MEMO1: variants seen among roughly 807,000 people sequenced by gnomAD.
The protein encoded by MEMO1 is mediator of cell motility 1.
Under a neutral mutation model 45.2 loss-of-function variants are expected in MEMO1, and 6 were observed. That is an observed-to-expected ratio of 0.13 (90% CI 0.07 to 0.26). MEMO1 has a LOEUF of 0.26. Ranked by LOEUF, MEMO1 falls within the 10% of genes least tolerant of loss-of-function variation. The probability of loss-of-function intolerance (pLI) is 1.00; values close to 1 mark genes in which losing one functional copy is unlikely to be tolerated. For synonymous variants in MEMO1, 78 were observed against 124.3 expected (o/e 0.63, Z 2.48); for missense variants, 184 against 370.5 (o/e 0.50, Z 4.13).
intron 8 of MEMO1, among the ~76,000 whole-genome samples, chr2:31,880,334 T>TA (rs1027049748): frequency 1.3e-5 from 2 of 152,162 alleles, no homozygotes; most frequent in African/African-American, 4.8e-5. Flanking sequence ...GGTAATACAT[T>TA]AAAATCCAAA....
chr2:31,910,878 G>GA (rs1289192024), intron 6 of MEMO1, among the ~76,000 whole-genome samples: 1 of 151,680 alleles, frequency 6.6e-6, no homozygotes, highest in Non-Finnish European at 1.5e-5. Context: ...AAAAAATAAA[G>GA]AAAGTTGTAA....
At chr2:32,006,325 A>G (rs964702912) in intron 2 of MEMO1, among the ~76,000 whole-genome samples, 3 of 152,204 alleles carry the variant, frequency 2.0e-5, no homozygotes, top group Non-Finnish European at 4.4e-5. Context: ...AGAAGATGAT[A>G]AGGGCCTAAA....
intron 1 of MEMO1, chr2:32,010,573 G>A: frequency 5.1e-6 from 1 of 196,032 alleles, no homozygotes; most frequent in Non-Finnish European, 1.1e-5. Flanking sequence ...CTGCCCAGCC[G>A]GGGCTGGTTC....
At chr2:31,943,937 C>T (rs1447491954) in intron 2 of MEMO1, among the ~76,000 whole-genome samples, 1 of 152,098 alleles carries the variant, frequency 6.6e-6, no homozygotes, top group African/African-American at 2.4e-5. Context: ...CTAATTTTTC[C>T]AGTTCACTAC....
intron 6 of MEMO1, among the ~76,000 whole-genome samples, chr2:31,896,717 A>T (rs1677872406): frequency 6.6e-6 from 1 of 152,232 alleles, no homozygotes; most frequent in Non-Finnish European, 1.5e-5. Context: ...TAAGAAAATG[A>T]AAACTCAAGT....
At chr2:31,938,499 T>C (rs1665199341) in intron 3 of MEMO1, among the ~76,000 whole-genome samples, 1 of 151,366 alleles carries the variant, frequency 6.6e-6, no homozygotes, top group Non-Finnish European at 1.5e-5. Context: ...GCAAAAAAAA[T>C]TAGCTGGGCA....
At chr2:31,912,249 T>C (rs1680679636) in intron 6 of MEMO1, among the ~76,000 whole-genome samples, 4 of 152,082 alleles carry the variant, frequency 2.6e-5, no homozygotes, top group Admixed American at 1.3e-4. Flanking sequence ...GGCAGGAGAA[T>C]CGCTTGAACC....
intron 6 of MEMO1, among the ~76,000 whole-genome samples, chr2:31,916,237 T>C (rs569726564): frequency 6.6e-6 from 1 of 152,280 alleles, no homozygotes; most frequent in Admixed American, 6.5e-5. Context: ...TTGGGTTTGT[T>C]TGTTTGTTTG....
chr2:31,919,356 T>C (rs1221191187), intron 5 of MEMO1, among the ~76,000 whole-genome samples: 3 of 152,036 alleles, frequency 2.0e-5, no homozygotes, highest in African/African-American at 7.2e-5. Flanking sequence ...TTTTGCCACA[T>C]TGCTCAGACT....
At chr2:32,001,626 C>A (rs985770102) in intron 2 of MEMO1, among the ~76,000 whole-genome samples, 2 of 151,886 alleles carry the variant, frequency 1.3e-5, no homozygotes, top group Non-Finnish European at 2.9e-5. Flanking sequence ...TTACCAGTTA[C>A]GACTCATACA....
intron 2 of MEMO1, among the ~76,000 whole-genome samples, chr2:32,006,619 C>T (rs1674108290): frequency 6.7e-6 from 1 of 149,992 alleles, no homozygotes; most frequent in South Asian, 2.1e-4. Context: ...GCTGCAGCTA[C>T]ATTTGCAGTA....
rs1441610365 is a variant in MEMO1, at chr2:31,971,160, GAT to G, written c.62-27779_62-27778del. Among the ~76,000 whole-genome samples the G allele has an allele frequency of 3.9e-5, 6 of 152,252 alleles. No homozygotes were observed. In the East Asian group the frequency reaches 1.2e-3, roughly 29 times the overall value. ...CATATGGATCTCTTACCATCTGCAG[GAT>G]ATGTTTGCTGTTAAATTATAAAGAT... On this transcript the variant is annotated intron_variant, in intron 2 of 9. Transcript: ENST00000404530.
chr2:31,928,600 A>G (rs1489031396), intron 4 of MEMO1, among the ~76,000 whole-genome samples: 4 of 151,750 alleles, frequency 2.6e-5, no homozygotes, highest in Non-Finnish European at 4.4e-5. Context: ...GACCCTGACC[A>G]GTCCTATTAT....
At chr2:31,971,470 T>G (rs1244934791) in intron 2 of MEMO1, among the ~76,000 whole-genome samples, 1 of 151,964 alleles carries the variant, frequency 6.6e-6, no homozygotes, top group Non-Finnish European at 1.5e-5. Context: ...GCTCAAGAGA[T>G]CCTCCTATTG....
At chr2:31,935,759 A>G (rs976580268) in intron 3 of MEMO1, among the ~76,000 whole-genome samples, 37 of 152,150 alleles carry the variant, frequency 2.4e-4, no homozygotes, top group African/African-American at 8.7e-4. Context: ...TCTCTCGCTA[A>G]CAGACCCTGC....
At chr2:31,893,880 T>C (rs984307255) in intron 6 of MEMO1, among the ~76,000 whole-genome samples, 2 of 152,176 alleles carry the variant, frequency 1.3e-5, no homozygotes, top group Admixed American at 1.3e-4. Flanking sequence ...TAAAATTCTA[T>C]CCTCTGTAGA....
chr2:31,925,499 A>AAAAAAAAAAAAAAC (rs1558507966), intron 4 of MEMO1, among the ~76,000 whole-genome samples: 1 of 149,376 alleles, frequency 6.7e-6, no homozygotes, highest in Non-Finnish European at 1.5e-5. Flanking sequence ...AAAAAAAAAA[A>AAAAAAAAAAAAAAC]TCTGTTCCCG....
chr2:31,932,187 T>A (rs1455912177), intron 3 of MEMO1, 52 bp from the exon 4 acceptor site: 1 of 1,514,880 alleles, frequency 6.6e-7, no homozygotes, highest in African/African-American at 1.4e-5. Context: ...AATCAAGATA[T>A]TCTAGAAAGA....
chr2:31,883,354 G>A (rs1371147764), intron 8 of MEMO1, 32 bp downstream of exon 8: 2 of 1,401,322 alleles, frequency 1.4e-6, no homozygotes, highest in Non-Finnish European at 2.0e-6. Flanking sequence ...AAAAGCCTTA[G>A]AGCATTAAAA....
Sources: gnomAD v4.1 joint callset for allele counts (sites outside exome capture counted in the v4.1 genomes callset) on GRCh38, gnomAD v4.1.1 for gene constraint, MANE v1.5 for transcripts, NCBI Gene and HGNC (gene_info 2026-07-23, HGNC 2026-07-21) for gene names.